The following METTL22 variants were observed in gnomAD, a reference collection of about 807,000 sequenced individuals.
The protein encoded by METTL22 is methyltransferase 22, Kin17 lysine, also known as methyltransferase-like protein 22.
A neutral mutation model predicts 48.4 loss-of-function variants in METTL22; 51 were observed. The observed-to-expected ratio is 1.05, with a 90% CI of 0.84 to 1.33. The LOEUF (loss-of-function observed/expected upper bound fraction) is 1.33, where lower values mean the gene tolerates loss of function less well. METTL22 is among the 40% of genes most tolerant of loss of function. The pLI is 0.00. For missense variants in METTL22, 678 were observed against 526.9 expected, an observed-to-expected ratio of 1.29 and a Z score of -2.81; for synonymous variants, 255 against 214.1, an observed-to-expected ratio of 1.19 and a Z score of -1.67.
At position 8,644,628 on chromosome 16, in the gene METTL22, C is replaced by T. The variant is rs756417732; in HGVS notation, c.1082C>T (p.Ala361Val). The change falls in exon 10 of 11, where the codon GCG (alanine) becomes GTG (valine). Residue 361 changes from alanine (A) to valine (V), a missense_variant. Transcript: ENST00000381920. Reference sequence around the variant, plus strand: ...GATCACTTCCGCTCCTGCCTGCACGCGCTGGAGCAGCTCGCAGATGGCAAG... The same window carrying T: ...GATCACTTCCGCTCCTGCCTGCACGTGCTGGAGCAGCTCGCAGATGGCAAG... Reference protein sequence around the residue: ...AYDHFRSCLHALEQLADGKLR... With the variant: ...AYDHFRSCLHVLEQLADGKLR... 34 of 1,606,294 alleles carry T rather than the reference C, an allele frequency of 2.1e-5. No homozygotes were observed. The highest frequency in any genetic ancestry group is 8.0e-5 in the African/African-American group (6 of 74,702).
chr16:8,657,833 T>TTTTTTTTTTTTTTTTTTTTTTA, the METTL22 span, among the ~76,000 whole-genome samples: 1 of 150,804 alleles, frequency 6.6e-6, no homozygotes, highest in Non-Finnish European at 1.5e-5. Flanking sequence ...TCTTTTTTTT[T>TTTTTTTTTTTTTTTTTTTTTTA]TGAGACAAGG....
At chr16:8,635,767 A>G (rs1259796968) in intron 5 of METTL22, among the ~76,000 whole-genome samples, 2 of 152,336 alleles carry the variant, frequency 1.3e-5, no homozygotes, top group South Asian at 2.1e-4. Flanking sequence ...TGAATCAACA[A>G]TATGCAACTT....
In METTL22 at chr16:8,623,027, C is replaced by G. The variant is rs138760259; in HGVS notation, c.-171+1252C>G. ...ATGTAAGTTTTCCAACAAAATTGCG[C>G]TATAGGCCATGCCTGGTGGCTCACA... On this transcript the variant is annotated intron_variant, in intron 1 of 10. Transcript: ENST00000381920. Among the ~76,000 whole-genome samples the G allele has an allele frequency of 3.9e-3, 598 of 152,228 alleles. 1 individual carries two copies. The highest frequency in any genetic ancestry group is 0.017 in the Middle Eastern group (5 of 294).
downstream of METTL22, among the ~76,000 whole-genome samples, chr16:8,650,623 A>G (rs1368294114): frequency 6.6e-6 from 1 of 152,254 alleles, no homozygotes; most frequent in African/African-American, 2.4e-5. Flanking sequence ...ATAAAATTAT[A>G]AATTCTCAAG....
chr16:8,654,380 C>T (rs2056936420), downstream of METTL22, among the ~76,000 whole-genome samples: 4 of 152,168 alleles, frequency 2.6e-5, no homozygotes, highest in South Asian at 8.3e-4. Context: ...AGTTACATAC[C>T]ACATGGTTAA....
intron 2 of METTL22, among the ~76,000 whole-genome samples, chr16:8,628,118 G>C (rs1038821719): frequency 6.6e-5 from 10 of 152,218 alleles, no homozygotes; most frequent in Non-Finnish European, 1.5e-4. Flanking sequence ...GTGTCACACA[G>C]AATGCAGTTT....
At chr16:8,657,820 C>CTTTTTTTTTTTTTTTTT in the METTL22 span, among the ~76,000 whole-genome samples, 823 of 136,872 alleles carry the variant, frequency 6.0e-3, 53 homozygotes, top group East Asian at 0.015. Context: ...CTTTTCTTTT[C>CTTTTTTTTTTTTTTTTT]TTTCTTTTTT....
chr16:8,644,585 G>T lies in METTL22; in HGVS notation c.1039G>T (p.Val347Phe), dbSNP rs577807779. 5 of 1,580,360 alleles carry T rather than the reference G, an allele frequency of 3.2e-6. No individual in the cohort carries two copies. In the East Asian group the frequency reaches 9.4e-5, roughly 30 times the overall value. Residue 347 changes from valine to phenylalanine, a missense_variant, in exon 10 of 11, where the codon GTC becomes TTC. Transcript: ENST00000381920. ...RLNFTLRHLD[V>F]TCEAYDHFRS... ...CAACTTCACATTGAGACACTTGGAC[G>T]TCACATGTGAAGCCTACGATCACTT... is the stretch of plus-strand genomic sequence containing the variant.
intron 3 of METTL22, among the ~76,000 whole-genome samples, chr16:8,634,242 C>T (rs2056355117): frequency 6.6e-6 from 1 of 152,232 alleles, no homozygotes; most frequent in African/African-American, 2.4e-5. Flanking sequence ...GGACCCTACA[C>T]AGTCGATTTC....
chr16:8,628,716 G>T lies in METTL22; in HGVS notation c.134-14G>T, dbSNP rs762895936. ...TCTTGGAATTCTCATTTTGCGTTCT[G>T]TCTTGCCTTTCAGTTTTCCTGTCCC... On this transcript the variant is annotated splice_polypyrimidine_tract_variant and intron_variant, in intron 2 of 10. Coordinates refer to ENST00000381920, the MANE Select transcript of METTL22 (RefSeq NM_024109.4). 1 of 1,593,264 alleles carries T rather than the reference G, an allele frequency of 6.3e-7. No individual in the cohort carries two copies. The highest frequency in any genetic ancestry group is 2.2e-5 in the East Asian group (1 of 44,530).
chr16:8,631,828 C>CT (rs2056273591), intron 3 of METTL22: 1 of 152,224 alleles, frequency 6.6e-6, no homozygotes, highest in Admixed American at 6.5e-5. Flanking sequence ...AATATAAACT[C>CT]TGACTTTTCA....
At chr16:8,641,979 G>A (rs1284866375) in intron 7 of METTL22, 148 bp from the exon 8 acceptor site, 4 of 661,172 alleles carry the variant, frequency 6.0e-6, no homozygotes, top group South Asian at 1.8e-5. Flanking sequence ...CCTGAAGCAG[G>A]GAGTCTGGTC....
At chr16:8,634,553 A>AT (rs34931346) in intron 3 of METTL22, among the ~76,000 whole-genome samples, 2,589 of 152,218 alleles carry the variant, frequency 0.017, 73 homozygotes, top group African/African-American at 0.059. Flanking sequence ...ATTTAAACTT[A>AT]TTTTTTTGTT....
the METTL22 span, among the ~76,000 whole-genome samples, chr16:8,663,611 C>G: frequency 1.3e-5 from 2 of 152,104 alleles, no homozygotes; most frequent in African/African-American, 4.8e-5. Flanking sequence ...TATTTTTCTG[C>G]CTGTGTTTTC....
chr16:8,640,680 G>A (rs1596359143), intron 6 of METTL22, among the ~76,000 whole-genome samples: 1 of 49,700 alleles, frequency 2.0e-5, no homozygotes, highest in Non-Finnish European at 4.0e-5. Context: ...GTGGGTGGAT[G>A]GATGGATGGA....
At chr16:8,666,292 C>T in the METTL22 span, among the ~76,000 whole-genome samples, 1 of 152,298 alleles carries the variant, frequency 6.6e-6, no homozygotes, top group Non-Finnish European at 1.5e-5. Flanking sequence ...TGCCGGCTCC[C>T]AGTGTTCCCC....
chr16:8,635,405 TGGATG>T, intron 5 of METTL22, 93 bp downstream of exon 5: 13 of 1,428,816 alleles, frequency 9.1e-6, no homozygotes, highest in South Asian at 6.0e-5. Context: ...CACTGGAAAT[TGGATG>T]TTAGCTGTTG....
At position 8,646,561 on chromosome 16, in the gene METTL22, T is replaced by C. The variant is rs1641072; in HGVS notation, c.*418T>C. ...ACCACTGCCAGTATTGCCATCATAT[T>C]GCCGCTCGGCACAAAAGCCTCATTT... is the stretch of plus-strand genomic sequence containing the variant. On this transcript the variant is annotated 3_prime_UTR_variant, in exon 11 of 11. Transcript: ENST00000381920. 0.99 allele frequency: 473,892 copies of C among 476,358 alleles called. 235,764 individuals carry two copies. The highest frequency in any genetic ancestry group is 1 in the East Asian group (15,532 of 15,532). The allele number at this position is 476,358 out of a possible 1,614,324, so 29.5% of individuals were successfully genotyped here. A position where few individuals can be genotyped will look rare whatever the true frequency, so the allele number is the denominator to read the frequency against.
intron 2 of METTL22, 95 bp downstream of exon 2, chr16:8,625,893 A>G (rs2056033667): frequency 1.3e-6 from 2 of 1,491,362 alleles, no homozygotes; most frequent in African/African-American, 2.8e-5. Context: ...AGACTGGATT[A>G]CGTAACTGTT....
Sources: gnomAD v4.1 joint callset for allele counts (sites outside exome capture counted in the v4.1 genomes callset) on GRCh38, gnomAD v4.1.1 for gene constraint, MANE v1.5 for transcripts, NCBI Gene and HGNC (gene_info 2026-07-23, HGNC 2026-07-21) for gene names.